Variants in HIRA observed in about 807,000 individuals in gnomAD.
HIRA encodes histone cell cycle regulator.
A neutral mutation model predicts 126.6 loss-of-function variants in HIRA; 13 were observed. The observed-to-expected ratio is 0.10, with a 90% CI of 0.07 to 0.16. HIRA has a LOEUF of 0.16. Ranked by LOEUF, HIRA falls within the 10% of genes least tolerant of loss-of-function variation. The pLI is 1.00. For synonymous variants in HIRA, 511 were observed against 520.0 expected (o/e 0.98, Z 0.24); for missense variants, 834 against 1,314.4 (o/e 0.63, Z 5.65).
intron 15 of HIRA, among the ~76,000 whole-genome samples, chr22:19,374,343 G>A (rs2088997594): frequency 6.6e-6 from 1 of 152,066 alleles, no homozygotes; most frequent in African/African-American, 2.4e-5. Flanking sequence ...GTAGAGATAC[G>A]GGTCTCACTA....
intron 1 of HIRA, among the ~76,000 whole-genome samples, chr22:19,419,575 C>T (rs1298086274): frequency 1.3e-5 from 2 of 152,198 alleles, no homozygotes; most frequent in South Asian, 2.1e-4. Flanking sequence ...ATATTAATTT[C>T]CTTTATTGTA....
intron 9 of HIRA, among the ~76,000 whole-genome samples, chr22:19,388,969 C>G (rs542314251): frequency 1.3e-5 from 2 of 152,230 alleles, no homozygotes; most frequent in South Asian, 4.2e-4. Context: ...TGAGAGAGAA[C>G]ACAACACATC....
chr22:19,339,749 G>A (rs782710310), intron 24 of HIRA, among the ~76,000 whole-genome samples: 2 of 152,076 alleles, frequency 1.3e-5, no homozygotes, highest in Non-Finnish European at 2.9e-5. Flanking sequence ...ACACCTTTAT[G>A]CACACAAACT....
Position 19,394,382 on chromosome 22 carries a change from T to C in HIRA, c.782A>G (p.Asn261Ser), listed in dbSNP as rs2089206551. 3 of 1,614,094 alleles carry C rather than the reference T, an allele frequency of 1.9e-6. No individual in the cohort carries two copies. In the African/African-American group the frequency reaches 4.0e-5, roughly 22 times the overall value. The change falls in exon 8 of 25, where the codon AAC (asparagine) becomes AGC (serine). Residue 261 changes from asparagine to serine, a missense_variant. Asn to Ser is a conservative substitution (Grantham distance 46). Coordinates refer to ENST00000263208, the MANE Select transcript of HIRA (RefSeq NM_003325.4). ...TTTCCGGTGCCCAACAAAGTCCATG[T>C]TGGTCTTCCATCCCTCCCGTTCGAT... ...QIIEREGWKTNMDFVGHRKAV... is the reference protein window; with the variant it reads ...QIIEREGWKTSMDFVGHRKAV...
intron 17 of HIRA, among the ~76,000 whole-genome samples, chr22:19,359,784 C>A (rs983863694): frequency 1.3e-5 from 2 of 152,206 alleles, no homozygotes; most frequent in Non-Finnish European, 2.9e-5. Flanking sequence ...AGTCTCCCAA[C>A]CCTGCCACTT....
intron 24 of HIRA, among the ~76,000 whole-genome samples, chr22:19,337,299 A>C (rs1464660496): frequency 3.9e-5 from 6 of 152,128 alleles, no homozygotes; most frequent in Non-Finnish European, 8.8e-5. Flanking sequence ...TCGGTATCAT[A>C]AAGAAAAAAT....
chr22:19,405,023 C>A (rs2089297048), intron 5 of HIRA, among the ~76,000 whole-genome samples: 1 of 152,198 alleles, frequency 6.6e-6, no homozygotes, highest in African/African-American at 2.4e-5. Context: ...CTATCTCTTC[C>A]ATGACAAGGG....
chr22:19,356,161 G>T, intron 20 of HIRA, 69 bp downstream of exon 20: 2 of 1,417,680 alleles, frequency 1.4e-6, no homozygotes, highest in South Asian at 1.1e-5. Context: ...TCTGAGCGGG[G>T]CCCTTCTGCA....
chr22:19,373,669 A>C (rs2088988842), intron 15 of HIRA, among the ~76,000 whole-genome samples: 1 of 152,190 alleles, frequency 6.6e-6, no homozygotes, highest in Admixed American at 6.5e-5. Context: ...ACACAGTCTC[A>C]AGGGAAGACT....
At chr22:19,409,525 C>A (rs1213138713) in intron 2 of HIRA, among the ~76,000 whole-genome samples, 10 of 152,268 alleles carry the variant, frequency 6.6e-5, no homozygotes, top group Admixed American at 2.0e-4. Flanking sequence ...TCAGATGATT[C>A]GCCTGCCTTG....
At chr22:19,404,491 A>G (rs2089293356) in intron 5 of HIRA, among the ~76,000 whole-genome samples, 1 of 152,184 alleles carries the variant, frequency 6.6e-6, no homozygotes, top group African/African-American at 2.4e-5. Flanking sequence ...TAATTATCAA[A>G]CAATAACACA....
intron 18 of HIRA, among the ~76,000 whole-genome samples, chr22:19,358,318 A>T (rs1040280611): frequency 1.3e-5 from 2 of 152,206 alleles, no homozygotes; most frequent in Admixed American, 6.5e-5. Context: ...ACACTGGGGA[A>T]CAGGTCTGCA....
At chr22:19,431,281 C>G (rs1319103213) in intron 1 of HIRA, among the ~76,000 whole-genome samples, 159 bp downstream of exon 1, 2 of 152,132 alleles carry the variant, frequency 1.3e-5, no homozygotes, top group African/African-American at 2.4e-5. Context: ...CCAGCCTCTC[C>G]GCGCTGAGGA....
At chr22:19,416,187 A>G (rs1419561806) in intron 1 of HIRA, among the ~76,000 whole-genome samples, 1 of 152,266 alleles carries the variant, frequency 6.6e-6, no homozygotes, top group Non-Finnish European at 1.5e-5. Flanking sequence ...AAAAGAATGA[A>G]GTTGGATCCC....
In HIRA at chr22:19,375,806, G is replaced by A; in HGVS notation, c.1614-14C>T. 1 of 1,613,870 alleles carries A rather than the reference G, an allele frequency of 6.2e-7. No individual in the cohort carries two copies. The highest frequency in any genetic ancestry group is 8.5e-7 in the Non-Finnish European group (1 of 1,179,784). Reference sequence around the variant, plus strand: ...GTAGCATTCATACTGGGGTGAAGAAGAGGGGAGGCATGTCAAGCGCAATCC... The same window carrying A: ...GTAGCATTCATACTGGGGTGAAGAAAAGGGGAGGCATGTCAAGCGCAATCC... On this transcript the variant is annotated splice_polypyrimidine_tract_variant and intron_variant, in intron 14 of 24. Coordinates refer to ENST00000263208, the MANE Select transcript of HIRA (RefSeq NM_003325.4).
chr22:19,380,433 C>A (rs112751848), intron 13 of HIRA, among the ~76,000 whole-genome samples: 2,612 of 152,170 alleles, frequency 0.017, 37 homozygotes, highest in Non-Finnish European at 0.023. Flanking sequence ...AATATTCGGG[C>A]CTGTTTCCTC....
intron 14 of HIRA, among the ~76,000 whole-genome samples, chr22:19,377,430 G>T (rs1601829125): frequency 6.6e-6 from 1 of 152,216 alleles, no homozygotes; most frequent in East Asian, 1.9e-4. Context: ...CTCTGTGAGT[G>T]AATATAATTC....
rs112401998 is a variant in HIRA at position 19,401,080 on chromosome 22, C to T, written c.398-2993G>A. Among the ~76,000 whole-genome samples the T allele has an allele frequency of 1.0e-3, 157 of 152,240 alleles. 1 individual carries two copies. The highest frequency in any genetic ancestry group is 3.5e-3 in the African/African-American group (146 of 41,512). ...TTTTCTTCTCCTCCATCTTCCTACA[C>T]GCCTGACAAAGCTCAGCTCCTCTCC... On this transcript the variant is annotated intron_variant, in intron 5 of 24. Transcript: ENST00000263208.
At chr22:19,388,620 TA>T in intron 9 of HIRA, 66 bp from the exon 10 acceptor site, 4 of 1,277,822 alleles carry the variant, frequency 3.1e-6, no homozygotes, top group Middle Eastern at 3.7e-4. Flanking sequence ...TCAGCTCAGT[TA>T]ACATAACCAA....
Sources: allele counts gnomAD v4.1 joint callset (sites outside exome capture counted in the v4.1 genomes callset), GRCh38; gene constraint gnomAD v4.1.1; transcripts MANE v1.5; gene names NCBI Gene and HGNC (gene_info 2026-07-23, HGNC 2026-07-21).